The following RALY variants were observed in gnomAD, a reference collection of about 807,000 sequenced individuals.
RALY encodes the protein RNA-binding protein Raly.
A neutral mutation model predicts 30.7 loss-of-function variants in RALY; 15 were observed. The observed-to-expected ratio is 0.49, with a 90% CI of 0.33 to 0.75. The LOEUF is 0.75. Among genes scored for constraint, RALY ranks in the 30% least tolerant of loss-of-function variants. The pLI, the probability that RALY is intolerant of heterozygous loss-of-function variation, is 0.02. For synonymous variants in RALY, 177 were observed against 170.8 expected (o/e 1.04, Z -0.28); for missense variants, 339 against 414.3 (o/e 0.82, Z 1.58).
At chr20:34,028,658 C>T (rs938604410) in intron 1 of RALY, among the ~76,000 whole-genome samples, 4 of 121,002 alleles carry the variant, frequency 3.3e-5, no homozygotes, top group Admixed American at 3.3e-4. Flanking sequence ...GAGCCTAGAT[C>T]GTGTCACTGC....
intron 2 of RALY, among the ~76,000 whole-genome samples, chr20:34,033,744 A>C (rs1332000750): frequency 6.6e-6 from 1 of 152,156 alleles, no homozygotes; most frequent in Non-Finnish European, 1.5e-5. Context: ...GGAGGAGTCC[A>C]CCATCCAAAA....
intron 2 of RALY, among the ~76,000 whole-genome samples, chr20:34,042,382 G>A (rs2032732675): frequency 1.3e-5 from 2 of 152,216 alleles, no homozygotes; most frequent in East Asian, 3.8e-4. Context: ...GAGTGAATTA[G>A]TGGCAGGTGC....
intron 2 of RALY, among the ~76,000 whole-genome samples, chr20:34,036,535 G>C (rs369634772): frequency 2.6e-5 from 4 of 152,268 alleles, no homozygotes; most frequent in African/African-American, 9.6e-5. Flanking sequence ...TTTGGCATTA[G>C]GGTGGCCTCA....
At chr20:34,043,461 A>G (rs1011983328) in intron 2 of RALY, among the ~76,000 whole-genome samples, 1 of 152,128 alleles carries the variant, frequency 6.6e-6, no homozygotes, top group African/African-American at 2.4e-5. Flanking sequence ...TTGCCACTCC[A>G]TGTCCAGTCT....
intron 2 of RALY, among the ~76,000 whole-genome samples, chr20:34,056,664 AAC>A (rs1387903241): frequency 6.6e-6 from 1 of 152,208 alleles, no homozygotes; most frequent in African/African-American, 2.4e-5. Context: ...AAAGCTAGTA[AAC>A]ACAGTAGACT....
At chr20:34,044,297 G>C (rs924397609) in intron 2 of RALY, among the ~76,000 whole-genome samples, 1 of 151,946 alleles carries the variant, frequency 6.6e-6, no homozygotes, top group Non-Finnish European at 1.5e-5. Context: ...ATTTGTACGA[G>C]TATGTAGCTG....
chr20:34,077,186 G>T lies in RALY; in HGVS notation c.817G>T (p.Ala273Ser). The T allele has an allele frequency of 6.2e-7, 1 of 1,613,856 alleles. No homozygotes were observed. Among genetic ancestry groups the T allele is most frequent in the Non-Finnish European group, 8.5e-7 (1 of 1,179,978 alleles). The change falls in exon 8 of 10, where the codon GCA becomes TCA. Residue 273 changes from alanine (A) to serine (S), a missense_variant. Physicochemically the swap from Ala to Ser is moderately conservative, Grantham distance 99. Around this residue, in one of 2 missense-constraint regions of RALY, gnomAD observed 268 missense variants for 280.6 expected, o/e 0.95. Coordinates refer to ENST00000246194, the MANE Select transcript of RALY (RefSeq NM_016732.3). Reference protein sequence around the residue: ...TSEAGLPQGEARTRDDGDEEG... With the variant: ...TSEAGLPQGESRTRDDGDEEG... The stretch of plus-strand genomic sequence containing the variant: ...TGAGGCAGGCCTGCCCCAGGGGGAA[G>T]CACGGACCCGAGACGACGGCGATGA...
intron 7 of RALY, 37 bp from the exon 8 acceptor site, chr20:34,076,989 TGA>T: frequency 6.2e-7 from 1 of 1,610,090 alleles, no homozygotes; most frequent in South Asian, 1.1e-5. Context: ...TACCCCAGGC[TGA>T]GTTTTATTCT....
intron 1 of RALY, among the ~76,000 whole-genome samples, chr20:34,025,899 GTTTTT>G (rs35827160): frequency 1.3e-5 from 1 of 75,924 alleles, no homozygotes; most frequent in African/African-American, 5.2e-5. Context: ...ATTCCTGGTT[GTTTTT>G]TTTTTTTTTT....
chr20:34,061,217 T>G (rs975009123), intron 2 of RALY, among the ~76,000 whole-genome samples: 6 of 152,188 alleles, frequency 3.9e-5, no homozygotes, highest in African/African-American at 1.4e-4. Context: ...TTGTCTTCCC[T>G]TGCAGGATGT....
intron 1 of RALY, among the ~76,000 whole-genome samples, chr20:34,028,304 A>C (rs2123083757): frequency 6.6e-6 from 1 of 151,844 alleles, no homozygotes; most frequent in South Asian, 2.1e-4. Flanking sequence ...AAAAAAAGAA[A>C]TCTTATAACT....
rs768344525 is a variant in RALY, at chr20:34,075,976, T to A, written c.480T>A (p.Thr160=). Residue 160 remains threonine, a synonymous_variant, in exon 6 of 10, where the codon ACT becomes ACA. Coordinates refer to ENST00000246194, the MANE Select transcript of RALY (RefSeq NM_016732.3). ...TCCCTTTGGTCCGGCGTGTCAAAAC[T>A]AACGTACCTGTCAAGCTCTTTGCCC... is the stretch of plus-strand genomic sequence containing the variant. ...VTVPLVRRVK[T]NVPVKLFARS... The A allele has an allele frequency of 3.1e-6, 5 of 1,614,228 alleles. No homozygotes were observed. In the East Asian group the frequency reaches 8.9e-5, roughly 29 times the overall value.
chr20:34,001,397 A>G (rs893201860), intron 1 of RALY, among the ~76,000 whole-genome samples: 2 of 152,210 alleles, frequency 1.3e-5, no homozygotes, highest in African/African-American at 4.8e-5. Flanking sequence ...TTGAAGTGCC[A>G]TCTGTAGAGA....
At chr20:34,053,292 T>G (rs2123182431) in intron 2 of RALY, among the ~76,000 whole-genome samples, 1 of 151,684 alleles carries the variant, frequency 6.6e-6, no homozygotes, top group South Asian at 2.1e-4. Flanking sequence ...AGAAAAGAGA[T>G]GGTGACTTGT....
Position 34,004,472 on chromosome 20 carries a change from C to T in RALY, c.-93+10341C>T, listed in dbSNP as rs149122623. On this transcript the variant is annotated intron_variant, in intron 1 of 9. Coordinates refer to ENST00000246194, the MANE Select transcript of RALY (RefSeq NM_016732.3). ...GTGATTAGGCTGCAGAGATGGAGAACATTCTGTGCAATGGGAACAACTTGA... is the reference window on the plus strand; with the variant it reads ...GTGATTAGGCTGCAGAGATGGAGAATATTCTGTGCAATGGGAACAACTTGA... 2.8e-3 allele frequency among the ~76,000 whole-genome samples: 425 copies of T among 152,276 alleles called. 3 individuals are homozygous for T. Among genetic ancestry groups the T allele is most frequent in the African/African-American group, 9.7e-3 (402 of 41,552 alleles).
Position 34,058,019 on chromosome 20 carries a change from CT to C in RALY, c.-9-14036del, listed in dbSNP as rs993221662. On this transcript the variant is annotated intron_variant, in intron 2 of 9. Transcript: ENST00000246194. ...GACACCTATTACAGTTTTGGAGAAA[CT>C]TTTTTTTTTTCTTTTAACCAGTTGC... Among the ~76,000 whole-genome samples the C allele has an allele frequency of 4.6e-4, 68 of 148,090 alleles. No individual in the cohort carries two copies. In the East Asian group the frequency reaches 6.7e-3, roughly 14 times the overall value.
chr20:33,995,279 C>G (rs1229001415), intron 1 of RALY, among the ~76,000 whole-genome samples: 1 of 152,154 alleles, frequency 6.6e-6, no homozygotes, highest in African/African-American at 2.4e-5. Flanking sequence ...AACTCAAATT[C>G]CCTGGGGTTT....
In RALY at chr20:34,076,304, G is replaced by A. The variant is rs180761965; in HGVS notation, c.544+264G>A. 1.3e-4 allele frequency: 74 copies of A among 550,142 alleles called. No individual in the cohort carries two copies. The East Asian group carries it at 2.0e-3, about 15-fold the overall frequency. 34.1% of individuals were successfully genotyped at this position (550,142 alleles called of 1,614,324 possible). A position where few individuals can be genotyped will look rare whatever the true frequency, so the allele number is the denominator to read the frequency against. On this transcript the variant is annotated intron_variant, in intron 6 of 9. Transcript: ENST00000246194. ...GCCATCTTTCCTCTAGTAAGGATAA[G>A]GACAGGTCTACCCAGGCCCATTACT...
intron 1 of RALY, among the ~76,000 whole-genome samples, chr20:33,999,084 C>T (rs539264712): frequency 3.5e-5 from 5 of 141,424 alleles, no homozygotes; most frequent in East Asian, 4.1e-4. Context: ...GAGCTGAGAT[C>T]GAACCACTGC....
Sources: allele counts gnomAD v4.1 joint callset (sites outside exome capture counted in the v4.1 genomes callset), GRCh38; gene constraint gnomAD v4.1.1; regional missense constraint gnomAD v4.1.1; transcripts MANE v1.5; gene names NCBI Gene and HGNC (gene_info 2026-07-23, HGNC 2026-07-21).